The following TCF4 variants were observed in gnomAD, a reference collection of about 807,000 sequenced individuals.
The protein encoded by TCF4 is SL3-3 enhancer factor 2.
TCF4 carries 3 observed loss-of-function variants against 82.1 expected under a neutral mutation model. The ratio of observed to expected loss-of-function variants is 0.04; its 90% confidence interval spans 0.02 to 0.09. The LOEUF is 0.09. Ranked by LOEUF, TCF4 falls within the 10% of genes least tolerant of loss-of-function variation. TCF4 has a pLI of 1.00. For synonymous variants in TCF4, 276 were observed against 309.6 expected, an observed-to-expected ratio of 0.89 and a Z score of 1.14; for missense variants, 518 against 852.7, an observed-to-expected ratio of 0.61 and a Z score of 4.89.
At chr18:55,314,553 A>G (rs2073549126) in intron 8 of TCF4, among the ~76,000 whole-genome samples, 1 of 138,356 alleles carries the variant, frequency 7.2e-6, no homozygotes, top group African/African-American at 3.0e-5. Context: ...TGAGTCATAC[A>G]GTATTTATTC....
chr18:55,622,114 ACATT>A (rs1288583634), intron 2 of TCF4, among the ~76,000 whole-genome samples: 1 of 145,434 alleles, frequency 6.9e-6, no homozygotes, highest in Admixed American at 7.3e-5. Flanking sequence ...AAAATGGTCT[ACATT>A]CACTTTATCC....
rs1451301246 is a variant in TCF4, at chr18:55,297,654, ACT to A, written c.550-18000_550-17999del. The stretch of plus-strand genomic sequence containing the variant: ...CCTCTTTCCTCAATTTATAACTGTA[ACT>A]CTCTGATTCAAGTGTGGTCTGATGG... On this transcript the variant is annotated intron_variant, in intron 8 of 19. Coordinates refer to ENST00000354452, the MANE Select transcript of TCF4 (RefSeq NM_001083962.2). Among the ~76,000 whole-genome samples the A allele has an allele frequency of 7.9e-5, 12 of 151,978 alleles. No individual in the cohort carries two copies. The East Asian group carries it at 1.9e-3, about 24-fold the overall frequency.
At chr18:55,436,867 AAAC>A (rs1273439785) in intron 5 of TCF4, among the ~76,000 whole-genome samples, 12 of 152,256 alleles carry the variant, frequency 7.9e-5, no homozygotes, top group Admixed American at 2.6e-4. Flanking sequence ...TCATAAAATC[AAAC>A]AACTTGGAGT....
intron 13 of TCF4, among the ~76,000 whole-genome samples, chr18:55,259,243 CT>C (rs1318917953): frequency 6.6e-6 from 1 of 152,058 alleles, no homozygotes; most frequent in Non-Finnish European, 1.5e-5. Flanking sequence ...AGCCACCTGT[CT>C]CCTTACCAAA....
chr18:55,422,151 CA>C, intron 5 of TCF4: 1 of 863,502 alleles, frequency 1.2e-6, no homozygotes, highest in Non-Finnish European at 1.4e-6. Flanking sequence ...AAAAAAAACC[CA>C]CCCTGAATAG....
chr18:55,622,740 CAAT>C (rs754813527), intron 2 of TCF4, among the ~76,000 whole-genome samples: 35 of 152,262 alleles, frequency 2.3e-4, no homozygotes, highest in South Asian at 6.2e-4. Context: ...TTCCACACAA[CAAT>C]GTTACCTCTC....
intron 3 of TCF4, chr18:55,551,128 G>A (rs1451632892): frequency 2.0e-5 from 3 of 152,128 alleles, no homozygotes; most frequent in African/African-American, 4.8e-5. Context: ...ACTTTTAGTA[G>A]AGATGGCATT....
intron 5 of TCF4, among the ~76,000 whole-genome samples, chr18:55,423,072 G>T (rs1295643828): frequency 6.6e-6 from 1 of 151,296 alleles, no homozygotes; most frequent in Non-Finnish European, 1.5e-5. Flanking sequence ...CCGGACTTTG[G>T]GGGAAGTTGA....
At chr18:55,544,942 A>C (rs2097193329) in intron 3 of TCF4, among the ~76,000 whole-genome samples, 1 of 152,212 alleles carries the variant, frequency 6.6e-6, no homozygotes, top group African/African-American at 2.4e-5. Context: ...TGAAGTGTCT[A>C]CCTGTAGATG....
At chr18:55,526,112 T>C (rs1279539410) in intron 3 of TCF4, among the ~76,000 whole-genome samples, 4 of 152,184 alleles carry the variant, frequency 2.6e-5, no homozygotes, top group African/African-American at 9.6e-5. Context: ...AGTAGCTATG[T>C]GCCATCTTTG....
At chr18:55,530,288 G>T (rs780808475) in intron 3 of TCF4, among the ~76,000 whole-genome samples, 1 of 152,092 alleles carries the variant, frequency 6.6e-6, no homozygotes, top group Non-Finnish European at 1.5e-5. Context: ...GTGCACTTTA[G>T]GTTTATTTGC....
intron 15 of TCF4, among the ~76,000 whole-genome samples, chr18:55,245,318 C>G (rs189840694): frequency 1.8e-4 from 27 of 152,212 alleles, no homozygotes; most frequent in Admixed American, 3.9e-4. Context: ...TATAAAATGG[C>G]CAAGGCCTAA....
intron 6 of TCF4, among the ~76,000 whole-genome samples, chr18:55,353,787 C>T (rs1330928823): frequency 2.0e-5 from 3 of 152,084 alleles, no homozygotes; most frequent in South Asian, 2.1e-4. Context: ...AAATTTTGCA[C>T]AAAATGGATA....
intron 6 of TCF4, among the ~76,000 whole-genome samples, chr18:55,374,127 T>A (rs1438181803): frequency 6.6e-6 from 1 of 152,032 alleles, no homozygotes; most frequent in Non-Finnish European, 1.5e-5. Flanking sequence ...GATAGCTGTA[T>A]ATAAGAAAAT....
intron 8 of TCF4, among the ~76,000 whole-genome samples, chr18:55,287,223 T>C (rs2063894801): frequency 6.6e-6 from 1 of 152,232 alleles, no homozygotes; most frequent in African/African-American, 2.4e-5. Flanking sequence ...AAAGAATATA[T>C]GTATTTCCCC....
At chr18:55,589,063 G>C (rs904384705), upstream of TCF4, among the ~76,000 whole-genome samples, 2 of 151,414 alleles carry the variant, frequency 1.3e-5, no homozygotes, top group Non-Finnish European at 2.9e-5. Flanking sequence ...TGCTTTATCC[G>C]GTATATGCAA....
At chr18:55,448,441 T>C (rs573985187) in intron 5 of TCF4, among the ~76,000 whole-genome samples, 2 of 152,370 alleles carry the variant, frequency 1.3e-5, no homozygotes, top group East Asian at 1.9e-4. Context: ...AGAAAATCCA[T>C]TGTACGTTGC....
At chr18:55,617,729 A>C (rs1328730747) in intron 2 of TCF4, among the ~76,000 whole-genome samples, 1 of 150,278 alleles carries the variant, frequency 6.7e-6, no homozygotes, top group East Asian at 2.0e-4. Flanking sequence ...TTTTTTTGGT[A>C]GTTTGTTACT....
At chr18:55,574,474 G>GCCA (rs1484431081) in intron 3 of TCF4, among the ~76,000 whole-genome samples, 1 of 152,086 alleles carries the variant, frequency 6.6e-6, no homozygotes, top group Non-Finnish European at 1.5e-5. Flanking sequence ...ACAGGCACCT[G>GCCA]CCACCACGCC....
Sources: allele counts gnomAD v4.1 joint callset (sites outside exome capture counted in the v4.1 genomes callset), GRCh38; gene constraint gnomAD v4.1.1; transcripts MANE v1.5; gene names NCBI Gene and HGNC (gene_info 2026-07-23, HGNC 2026-07-21).